ENOX1: variants seen among roughly 807,000 people sequenced by gnomAD.
The protein encoded by ENOX1 is ecto-NOX disulfide-thiol exchanger 1, also known as candidate growth-related and time keeping constitutive hydroquinone (NADH) oxidase.
Under a neutral mutation model 82.5 loss-of-function variants are expected in ENOX1, and 42 were observed. The observed-to-expected ratio is 0.51, with a 90% confidence interval of 0.40 to 0.66. The LOEUF (loss-of-function observed/expected upper bound fraction) is 0.66. Ranked by LOEUF, ENOX1 falls within the 30% of genes least tolerant of loss-of-function variation. The pLI, the probability that ENOX1 is intolerant of heterozygous loss-of-function variation, is 0.00. For synonymous variants in ENOX1, 271 were observed against 282.2 expected, an observed-to-expected ratio of 0.96 and a Z score of 0.40; for missense variants, 608 against 811.6, an observed-to-expected ratio of 0.75 and a Z score of 3.05.
intron 3 of ENOX1, among the ~76,000 whole-genome samples, chr13:43,475,297 C>G (rs1192148338): frequency 6.6e-6 from 1 of 152,140 alleles, no homozygotes; most frequent in Non-Finnish European, 1.5e-5. Context: ...ATGTCCACAA[C>G]AGCCTAAGCA....
intron 2 of ENOX1, among the ~76,000 whole-genome samples, chr13:43,567,090 C>T (rs897885825): frequency 4.6e-5 from 7 of 152,120 alleles, no homozygotes; most frequent in African/African-American, 1.7e-4. Flanking sequence ...ATGCCAATTA[C>T]TGATTGGTCT....
chr13:43,229,479 G>T (rs1374279181), intron 15 of ENOX1, among the ~76,000 whole-genome samples: 1 of 152,190 alleles, frequency 6.6e-6, no homozygotes, highest in Non-Finnish European at 1.5e-5. Flanking sequence ...TGGCACATGT[G>T]TTTAGAGGTA....
At chr13:43,525,540 T>C (rs933003288) in intron 2 of ENOX1, among the ~76,000 whole-genome samples, 2 of 152,124 alleles carry the variant, frequency 1.3e-5, no homozygotes, top group Admixed American at 1.3e-4. Flanking sequence ...TATTTTTGTT[T>C]TTTTGAGGAA....
At chr13:43,388,189 T>C (rs1011881016) in intron 5 of ENOX1, among the ~76,000 whole-genome samples, 1 of 152,220 alleles carries the variant, frequency 6.6e-6, no homozygotes, top group African/African-American at 2.4e-5. Flanking sequence ...CTCAACCCAT[T>C]GCATGAGGAT....
chr13:43,495,640 T>G (rs895104553), intron 2 of ENOX1, among the ~76,000 whole-genome samples: 4 of 129,756 alleles, frequency 3.1e-5, no homozygotes, highest in Non-Finnish European at 7.1e-5. Context: ...TAAACAAAGC[T>G]ATTACAAACA....
chr13:43,614,541 G>GTTTT, intron 2 of ENOX1, among the ~76,000 whole-genome samples: 1 of 26,818 alleles, frequency 3.7e-5, no homozygotes. Flanking sequence ...AAAATAAAGG[G>GTTTT]CTTTTTTTTT....
intron 3 of ENOX1, among the ~76,000 whole-genome samples, chr13:43,427,941 A>C (rs1474203683): frequency 2.0e-5 from 3 of 152,226 alleles, no homozygotes; most frequent in African/African-American, 7.2e-5. Flanking sequence ...TGAAACCAGA[A>C]GGATGAGCCA....
chr13:43,565,590 G>A (rs541886281), intron 2 of ENOX1, among the ~76,000 whole-genome samples: 4 of 152,262 alleles, frequency 2.6e-5, no homozygotes, highest in African/African-American at 9.6e-5. Context: ...CCACAAAGAC[G>A]CTCTTTAGAA....
intron 1 of ENOX1, among the ~76,000 whole-genome samples, chr13:43,680,348 C>G (rs2085721860): frequency 1.3e-5 from 2 of 152,156 alleles, no homozygotes. Flanking sequence ...AGCTTTGCCC[C>G]TAGAGGCCCA....
chr13:43,554,477 T>C (rs2079347202), intron 2 of ENOX1, among the ~76,000 whole-genome samples: 1 of 152,220 alleles, frequency 6.6e-6, no homozygotes, highest in South Asian at 2.1e-4. Flanking sequence ...GTAATTGTTT[T>C]GTATCTCCAG....
intron 2 of ENOX1, among the ~76,000 whole-genome samples, chr13:43,654,548 G>C (rs1245127703): frequency 6.6e-6 from 1 of 152,214 alleles, no homozygotes; most frequent in East Asian, 1.9e-4. Context: ...TCTGGTGGAT[G>C]GGTAAGTGCT....
At chr13:43,566,405 G>C (rs1021096672) in intron 2 of ENOX1, among the ~76,000 whole-genome samples, 2 of 151,914 alleles carry the variant, frequency 1.3e-5, no homozygotes, top group Non-Finnish European at 2.9e-5. Context: ...TCAATGCATA[G>C]ATCAATGAAT....
chr13:43,514,014 G>A (rs530994310), intron 2 of ENOX1, among the ~76,000 whole-genome samples: 3 of 152,192 alleles, frequency 2.0e-5, no homozygotes, highest in South Asian at 4.2e-4. Context: ...ATTTGCATGT[G>A]CATTTATTTC....
At chr13:43,456,630 G>T (rs1427700839) in intron 3 of ENOX1, among the ~76,000 whole-genome samples, 1 of 152,098 alleles carries the variant, frequency 6.6e-6, no homozygotes, top group Non-Finnish European at 1.5e-5. Context: ...GTCCAGGAGG[G>T]TTTCACCTGT....
intron 14 of ENOX1, among the ~76,000 whole-genome samples, chr13:43,249,948 G>A (rs2043356972): frequency 6.6e-6 from 1 of 152,164 alleles, no homozygotes; most frequent in Non-Finnish European, 1.5e-5. Context: ...TCTGCATGGT[G>A]CACTGGAGAT....
chr13:43,290,994 T>C (rs1293767988), intron 12 of ENOX1, among the ~76,000 whole-genome samples: 1 of 152,086 alleles, frequency 6.6e-6, no homozygotes, highest in Non-Finnish European at 1.5e-5. Context: ...ACCACTGTAC[T>C]CCAGCCTGGG....
At chr13:43,479,532 TTTCCCTCATCCATG>T (rs1170448152) in intron 3 of ENOX1, among the ~76,000 whole-genome samples, 1 of 152,196 alleles carries the variant, frequency 6.6e-6, no homozygotes, top group Non-Finnish European at 1.5e-5. Context: ...TAATATTATC[TTTCCCTCATCCATG>T]TTCCTATATC....
At chr13:43,447,134 A>C (rs1211032366) in intron 3 of ENOX1, among the ~76,000 whole-genome samples, 1 of 152,242 alleles carries the variant, frequency 6.6e-6, no homozygotes, top group Non-Finnish European at 1.5e-5. Flanking sequence ...AATTATAGAA[A>C]GATGTCTTTT....
chr13:43,751,759 T>C (rs1171108261), intron 1 of ENOX1, among the ~76,000 whole-genome samples: 3 of 152,222 alleles, frequency 2.0e-5, no homozygotes, highest in Non-Finnish European at 4.4e-5. Context: ...GGCTATACTA[T>C]AATGAGTTTG....
Sources: allele counts gnomAD v4.1 joint callset (sites outside exome capture counted in the v4.1 genomes callset), GRCh38; gene constraint gnomAD v4.1.1; transcripts MANE v1.5; gene names NCBI Gene and HGNC (gene_info 2026-07-23, HGNC 2026-07-21).